The following CACNB4 variants were observed in gnomAD, a reference collection of about 807,000 sequenced individuals.
CACNB4 encodes calcium voltage-gated channel auxiliary subunit beta 4, also known as voltage-dependent L-type calcium channel subunit beta-4.
In CACNB4, 32 loss-of-function variants were observed where a neutral mutation model predicts 71.2. The ratio of observed to expected loss-of-function variants is 0.45; its 90% confidence interval spans 0.34 to 0.60. The LOEUF (loss-of-function observed/expected upper bound fraction) is 0.60. CACNB4 is among the 20% of genes least tolerant of loss of function. The pLI, the probability that CACNB4 is intolerant of heterozygous loss-of-function variation, is 0.01. For missense variants in CACNB4, 464 were observed against 647.9 expected, an observed-to-expected ratio of 0.72 and a Z score of 3.08; for synonymous variants, 231 against 236.9, an observed-to-expected ratio of 0.97 and a Z score of 0.23.
At chr2:152,038,913 T>G (rs1159729597) in intron 2 of CACNB4, among the ~76,000 whole-genome samples, 3 of 152,174 alleles carry the variant, frequency 2.0e-5, no homozygotes, top group African/African-American at 7.2e-5. Flanking sequence ...GTGTGACACT[T>G]CCTCATGTTC....
At chr2:151,973,815 C>A (rs181922008) in intron 2 of CACNB4, 1 of 1,525,086 alleles carries the variant, frequency 6.6e-7, no homozygotes, top group Non-Finnish European at 8.8e-7. Flanking sequence ...GGGAGAACTG[C>A]GCCTGCCTTA....
rs916950219 is a variant in CACNB4, at chr2:151,838,029, A to G, written c.*1090T>C. 7 of 152,330 alleles carry G rather than the reference A, an allele frequency of 4.6e-5. No individual in the cohort carries two copies. The East Asian group carries it at 7.7e-4, about 17-fold the overall frequency. 9.4% of individuals were successfully genotyped at this position (152,330 alleles called of 1,614,324 possible). On this transcript the variant is annotated 3_prime_UTR_variant, in exon 14 of 14. Coordinates refer to ENST00000539935, the MANE Select transcript of CACNB4 (RefSeq NM_000726.5). Reference sequence around the variant, plus strand: ...TTAAAGAATTTGTTGAAGGGCCAGAACATTCAGATATTCAAAGACAGAGAC... The same window carrying G: ...TTAAAGAATTTGTTGAAGGGCCAGAGCATTCAGATATTCAAAGACAGAGAC...
At chr2:152,022,815 C>T (rs983730033) in intron 2 of CACNB4, among the ~76,000 whole-genome samples, 1 of 152,154 alleles carries the variant, frequency 6.6e-6, no homozygotes, top group Admixed American at 6.5e-5. Flanking sequence ...AACTCTCCTA[C>T]TTGATCATGT....
At chr2:151,954,057 T>C (rs767339424) in intron 2 of CACNB4, among the ~76,000 whole-genome samples, 5 of 152,172 alleles carry the variant, frequency 3.3e-5, no homozygotes, top group Non-Finnish European at 5.9e-5. Flanking sequence ...TGAATGACCA[T>C]GGGGATACAA....
Position 151,949,975 on chromosome 2 carries a change from G to A in CACNB4, c.148-66605C>T, listed in dbSNP as rs191664321. 4.6e-5 allele frequency among the ~76,000 whole-genome samples: 7 copies of A among 152,296 alleles called. No homozygotes were observed. In the East Asian group the frequency reaches 1.2e-3, roughly 25 times the overall value. ...AGGCAAGATAATCACTTGAACCCGGGAGGTGGAGGTTGCAGTGAGCTGAGA... is the reference window on the plus strand; with the variant it reads ...AGGCAAGATAATCACTTGAACCCGGAAGGTGGAGGTTGCAGTGAGCTGAGA... On this transcript the variant is annotated intron_variant, in intron 2 of 13. Coordinates refer to ENST00000539935, the MANE Select transcript of CACNB4 (RefSeq NM_000726.5).
intron 2 of CACNB4, among the ~76,000 whole-genome samples, chr2:152,087,687 T>G (rs552824327): frequency 2.6e-5 from 4 of 151,884 alleles, no homozygotes; most frequent in African/African-American, 4.8e-5. Flanking sequence ...ATTTGAGCCT[T>G]GGCAACATAG....
chr2:152,092,786 C>A (rs1688048511), intron 2 of CACNB4, among the ~76,000 whole-genome samples: 1 of 151,614 alleles, frequency 6.6e-6, no homozygotes, highest in Non-Finnish European at 1.5e-5. Context: ...CAGTGGATGC[C>A]TGGAACTACA....
At chr2:151,870,336 G>T (rs1386972555) in intron 8 of CACNB4, 195 bp downstream of exon 8, 2 of 704,582 alleles carry the variant, frequency 2.8e-6, no homozygotes, top group Non-Finnish European at 5.2e-6. Flanking sequence ...ATACATAAAA[G>T]ATGAGAAGTG....
At chr2:151,920,478 A>G (rs1243837268) in intron 2 of CACNB4, among the ~76,000 whole-genome samples, 1 of 151,722 alleles carries the variant, frequency 6.6e-6, no homozygotes, top group Non-Finnish European at 1.5e-5. Flanking sequence ...ACGTGCCACC[A>G]CACCTGGTTA....
chr2:151,844,299 C>A (rs1559852425), intron 12 of CACNB4, among the ~76,000 whole-genome samples: 1 of 152,046 alleles, frequency 6.6e-6, no homozygotes. Flanking sequence ...TTTGAAGCTG[C>A]AGCATAAAGT....
intron 2 of CACNB4, among the ~76,000 whole-genome samples, chr2:151,891,355 T>C (rs1262305240): frequency 6.6e-6 from 1 of 152,166 alleles, no homozygotes; most frequent in African/African-American, 2.4e-5. Context: ...GCCATGGCCA[T>C]TTAGCCACTT....
Position 151,834,575 on chromosome 2 carries a change from A to G in CACNB4, c.*4544T>C, listed in dbSNP as rs748060060. The G allele has an allele frequency of 3.3e-5, 5 of 152,012 alleles. No homozygotes were observed. The highest frequency in any genetic ancestry group is 5.9e-5 in the Non-Finnish European group (4 of 67,848). 9.4% of individuals were successfully genotyped at this position (152,012 alleles called of 1,614,324 possible). A position where few individuals can be genotyped will look rare whatever the true frequency, so the allele number is the denominator to read the frequency against. Reference sequence around the variant, plus strand: ...TTTTAATAAAAGAAGAAACTTTTAAAAGTAATTTTTGAATGCTGTAGTTCT... The same window carrying G: ...TTTTAATAAAAGAAGAAACTTTTAAGAGTAATTTTTGAATGCTGTAGTTCT... On this transcript the variant is annotated 3_prime_UTR_variant, in exon 14 of 14. Transcript: ENST00000539935.
chr2:151,967,487 G>C (rs901965751), intron 2 of CACNB4: 1 of 152,118 alleles, frequency 6.6e-6, no homozygotes, highest in African/African-American at 2.4e-5. Context: ...AAGTCTTATG[G>C]AGATTTAAAA....
intron 2 of CACNB4, among the ~76,000 whole-genome samples, chr2:152,024,410 T>G (rs1182808124): frequency 6.6e-6 from 1 of 152,218 alleles, no homozygotes; most frequent in East Asian, 1.9e-4. Context: ...GATTTTGTAA[T>G]TATTTAGCTG....
intron 2 of CACNB4, among the ~76,000 whole-genome samples, chr2:152,016,688 A>T (rs1416889165): frequency 1.3e-5 from 2 of 152,272 alleles, no homozygotes; most frequent in Non-Finnish European, 2.9e-5. Flanking sequence ...CGTTCCAGGC[A>T]TGCATGTCTA....
intron 2 of CACNB4, among the ~76,000 whole-genome samples, chr2:151,884,665 GA>G (rs1384411483): frequency 7.0e-6 from 1 of 142,936 alleles, no homozygotes; most frequent in Non-Finnish European, 1.5e-5. Flanking sequence ...AAAAAGTTCT[GA>G]AATCCAGTCT....
chr2:152,027,174 A>C (rs1014001452), intron 2 of CACNB4, among the ~76,000 whole-genome samples: 3 of 152,148 alleles, frequency 2.0e-5, no homozygotes, highest in African/African-American at 7.2e-5. Context: ...AAGTGTTGAG[A>C]TTACAGGCGT....
chr2:152,001,570 G>A lies in CACNB4; in HGVS notation c.147+96760C>T, dbSNP rs868629364. Among the ~76,000 whole-genome samples the A allele has an allele frequency of 3.4e-5, 5 of 148,736 alleles. 1 individual carries two copies. Among genetic ancestry groups the A allele is most frequent in the Middle Eastern group, 6.5e-3 (2 of 310 alleles). ...AAAAAAAAAAAATACAAAATTAGCC[G>A]GGCATGGTGGCACATGGCTATAATC... On this transcript the variant is annotated intron_variant, in intron 2 of 13. Coordinates refer to ENST00000539935, the MANE Select transcript of CACNB4 (RefSeq NM_000726.5).
chr2:151,913,266 G>C (rs2099856679), intron 2 of CACNB4, among the ~76,000 whole-genome samples: 1 of 152,094 alleles, frequency 6.6e-6, no homozygotes, highest in Non-Finnish European at 1.5e-5. Flanking sequence ...AATGTCATTG[G>C]TCTTTATATT....
Sources: gnomAD v4.1 joint callset for allele counts (sites outside exome capture counted in the v4.1 genomes callset) on GRCh38, gnomAD v4.1.1 for gene constraint, MANE v1.5 for transcripts, NCBI Gene and HGNC (gene_info 2026-07-23, HGNC 2026-07-21) for gene names.